LRRC27: variants seen among roughly 807,000 people sequenced by gnomAD.
LRRC27 encodes leucine rich repeat containing 27.
A neutral mutation model predicts 55.0 loss-of-function variants in LRRC27; 57 were observed. That is an observed-to-expected ratio of 1.04 (90% CI 0.84 to 1.29). The LOEUF is 1.29. LRRC27 is among the 50% of genes most tolerant of loss of function. The probability of loss-of-function intolerance (pLI) is 0.00; values close to 1 mark genes in which losing one functional copy is unlikely to be tolerated. For missense variants in LRRC27, 721 were observed against 651.5 expected (o/e 1.11, Z -1.16); for synonymous variants, 278 against 251.9 (o/e 1.10, Z -0.98).
At chr10:132,363,982 T>G (rs1205698662) in intron 9 of LRRC27, among the ~76,000 whole-genome samples, 1 of 152,010 alleles carries the variant, frequency 6.6e-6, no homozygotes, top group Non-Finnish European at 1.5e-5. Flanking sequence ...CTCAAACATT[T>G]GAATGTTCTC....
At chr10:132,358,656 G>A (rs1399353709) in intron 8 of LRRC27, among the ~76,000 whole-genome samples, 3 of 109,912 alleles carry the variant, frequency 2.7e-5, no homozygotes, top group Non-Finnish European at 3.9e-5. Context: ...GCAGTGTGGG[G>A]AGGAGCCGAG....
At chr10:132,355,764 A>G in intron 7 of LRRC27, 26 bp from the exon 8 acceptor site, 2 of 1,509,122 alleles carry the variant, frequency 1.3e-6, no homozygotes. Context: ...CCTGTAACTT[A>G]TGACATTAAC....
At chr10:132,367,761 A>C (rs1267711755) in intron 10 of LRRC27, among the ~76,000 whole-genome samples, 1 of 152,248 alleles carries the variant, frequency 6.6e-6, no homozygotes, top group Non-Finnish European at 1.5e-5. Flanking sequence ...ATTATTCTTA[A>C]TGGCAAGAAA....
chr10:132,353,127 T>C (rs2068144477), intron 7 of LRRC27: 1 of 1,462,914 alleles, frequency 6.8e-7, no homozygotes, highest in South Asian at 1.4e-5. Context: ...GCCCCTCACT[T>C]GGTGGTTGGC....
intron 3 of LRRC27, among the ~76,000 whole-genome samples, chr10:132,341,696 C>T (rs544469441): frequency 5.9e-5 from 9 of 152,124 alleles, no homozygotes; most frequent in Non-Finnish European, 8.8e-5. Flanking sequence ...TTATACTGTG[C>T]GGTGGAAGTC....
rs1200275937 is a variant in LRRC27 at position 132,348,198 on chromosome 10, G to A, written c.768G>A (p.Glu256=). Residue 256 remains glutamate (E), a synonymous_variant, in exon 6 of 11, where the codon GAG becomes GAA. Coordinates refer to ENST00000368614, the MANE Select transcript of LRRC27 (RefSeq NM_030626.3). This position sits in a 1 kb window ranked among gnomAD's most constrained non-coding sequence, Gnocchi z 4.2. ...SADSSENWPS[E]EEIRRFWKLR... ...ACTCCTCAGAGAACTGGCCCAGCGA[G>A]GAGGAGATCAGGCGCTTTTGGAAGC... 3 of 1,613,966 alleles carry A rather than the reference G, an allele frequency of 1.9e-6. No homozygotes were observed. The highest frequency in any genetic ancestry group is 2.5e-6 in the Non-Finnish European group (3 of 1,179,922).
Position 132,380,987 on chromosome 10 carries a change from G to A in LRRC27, c.*5745G>A, listed in dbSNP as rs551491462. On this transcript the variant is annotated 3_prime_UTR_variant, in exon 11 of 11. Coordinates refer to ENST00000368614, the MANE Select transcript of LRRC27 (RefSeq NM_030626.3). Reference sequence around the variant, plus strand: ...CTTTTTATCTTGTATTGGGAATGCAGCTTTTATGTGGGTATAGGATTGCTG... The same window carrying A: ...CTTTTTATCTTGTATTGGGAATGCAACTTTTATGTGGGTATAGGATTGCTG... 6.6e-6 allele frequency among the ~76,000 whole-genome samples: 1 copy of A among 152,350 alleles called. No individual in the cohort carries two copies. Among genetic ancestry groups the A allele is most frequent in the African/African-American group, 2.4e-5 (1 of 41,588 alleles).
chr10:132,364,716 C>T (rs2068939482), intron 9 of LRRC27, among the ~76,000 whole-genome samples: 1 of 3,600 alleles, frequency 2.8e-4, no homozygotes, highest in South Asian at 0.014. Flanking sequence ...CACACTCATG[C>T]AGTCCGCGTC....
upstream of LRRC27, chr10:132,330,428 G>A: frequency 1.4e-6 from 1 of 717,174 alleles, no homozygotes; most frequent in Non-Finnish European, 2.6e-6. Context: ...TCCTTGCTCT[G>A]CCCGGGTGGC....
At chr10:132,361,144 G>T (rs949917047) in intron 8 of LRRC27, among the ~76,000 whole-genome samples, 1 of 152,216 alleles carries the variant, frequency 6.6e-6, no homozygotes, top group African/African-American at 2.4e-5. Flanking sequence ...CAAACCTGGC[G>T]TGGGGGGCAT....
chr10:132,348,196 G>A lies in LRRC27; in HGVS notation c.766G>A (p.Glu256Lys), dbSNP rs542419588. The A allele has an allele frequency of 5.6e-6, 9 of 1,613,960 alleles. No homozygotes were observed. The East Asian group carries it at 6.7e-5, about 12-fold the overall frequency. ...GGACTCCTCAGAGAACTGGCCCAGC[G>A]AGGAGGAGATCAGGCGCTTTTGGAA... ...SADSSENWPS[E>K]EEIRRFWKLR... The change falls in exon 6 of 11, where the codon GAG (glutamate) becomes AAG (lysine). Residue 256 changes from glutamate to lysine, a missense_variant. By Grantham distance (56) the Glu-to-Lys change is moderately conservative. Coordinates refer to ENST00000368614, the MANE Select transcript of LRRC27 (RefSeq NM_030626.3). The surrounding 1 kb of genome is among the most constrained non-coding windows in gnomAD (Gnocchi z 4.2).
chr10:132,351,186 A>G, intron 6 of LRRC27: 1 of 172,348 alleles, frequency 5.8e-6, no homozygotes, highest in Non-Finnish European at 1.2e-5. Context: ...ATGCACCTGA[A>G]CTCCAGGCAC....
In LRRC27 at chr10:132,380,376, A is replaced by G. The variant is rs2069395739; in HGVS notation, c.*5134A>G. On this transcript the variant is annotated 3_prime_UTR_variant, in exon 11 of 11. Transcript: ENST00000368614. Reference sequence around the variant, plus strand: ...ACAGTGTGCTGCTGGAATAATTACAAAGCCACCTCCTGTTGCTATTGCAGT... The same window carrying G: ...ACAGTGTGCTGCTGGAATAATTACAGAGCCACCTCCTGTTGCTATTGCAGT... Among the ~76,000 whole-genome samples the G allele has an allele frequency of 6.6e-6, 1 of 152,230 alleles. No individual in the cohort carries two copies. The highest frequency in any genetic ancestry group is 1.5e-5 in the Non-Finnish European group (1 of 68,038).
chr10:132,333,187 C>T lies in LRRC27; in HGVS notation c.-48-290C>T, dbSNP rs142957897. ...GTTGATTTACAGGCTTTGAAATGTT[C>T]CGATCTGTTTACATCCCTAAAATGA... On this transcript the variant is annotated intron_variant, in intron 1 of 10. Coordinates refer to ENST00000368614, the MANE Select transcript of LRRC27 (RefSeq NM_030626.3). Among the ~76,000 whole-genome samples, 89 of 152,294 alleles carry T rather than the reference C, an allele frequency of 5.8e-4. 1 individual carries two copies. In the East Asian group the frequency reaches 0.016, roughly 27 times the overall value.
intron 10 of LRRC27, chr10:132,366,877 C>G (rs1482519535): frequency 7.8e-7 from 1 of 1,286,336 alleles, no homozygotes. Flanking sequence ...GGCATGAGGG[C>G]AGGATGTGGA....
chr10:132,365,530 G>C lies in LRRC27; in HGVS notation c.1396G>C (p.Ala466Pro). ...GQAPLEEMRK[A>P]AEDLEIATEL... ...GGCCCCACTGGAGGAGATGAGGAAG[G>C]CTGCCGAGGATCTGGAAATTGTAAG... Residue 466 changes from alanine (A) to proline (P), a missense_variant, in exon 10 of 11, where the codon GCT (alanine) becomes CCT (proline). Transcript: ENST00000368614. 1 of 1,613,556 alleles carries C rather than the reference G, an allele frequency of 6.2e-7. No homozygotes were observed. The highest frequency in any genetic ancestry group is 8.5e-7 in the Non-Finnish European group (1 of 1,179,972).
chr10:132,347,917 CT>C, intron 5 of LRRC27, 66 bp from the exon 6 acceptor site: 1 of 1,515,330 alleles, frequency 6.6e-7, no homozygotes, highest in Admixed American at 2.2e-5. Context: ...CCGTCACTGG[CT>C]TTTTGAATAA....
Position 132,377,481 on chromosome 10 carries a change from C to G in LRRC27, c.*2239C>G, listed in dbSNP as rs1165496767. 1.3e-5 allele frequency: 2 copies of G among 152,162 alleles called. No individual in the cohort carries two copies. Among genetic ancestry groups the G allele is most frequent in the Non-Finnish European group, 2.9e-5 (2 of 68,056 alleles). 9.4% of individuals were successfully genotyped at this position (152,162 alleles called of 1,614,324 possible). A position where few individuals can be genotyped will look rare whatever the true frequency, so the allele number is the denominator to read the frequency against. On this transcript the variant is annotated 3_prime_UTR_variant, in exon 11 of 11. Coordinates refer to ENST00000368614, the MANE Select transcript of LRRC27 (RefSeq NM_030626.3). ...GCCAATGACCCTGAGAAGGTCCCTC[C>G]CATCTGCCAGTTCCCTGCCATTGAT...
rs1308007580 is a variant in LRRC27, at chr10:132,336,637, C to T, written c.211-928C>T. 13 of 645,304 alleles carry T rather than the reference C, an allele frequency of 2.0e-5. No individual in the cohort carries two copies. The South Asian group carries it at 2.3e-4, about 12-fold the overall frequency. 40.0% of individuals were successfully genotyped at this position (645,304 alleles called of 1,614,324 possible). A position where few individuals can be genotyped will look rare whatever the true frequency, so the allele number is the denominator to read the frequency against. ...CCACGCACTGTTCTTTAGTGCTTGC[C>T]CACATTGCCCCGTCTCACAGATGAG... On this transcript the variant is annotated intron_variant, in intron 2 of 10. Coordinates refer to ENST00000368614, the MANE Select transcript of LRRC27 (RefSeq NM_030626.3).
Sources: allele counts gnomAD v4.1 joint callset (sites outside exome capture counted in the v4.1 genomes callset), GRCh38; gene constraint gnomAD v4.1.1; non-coding constraint Gnocchi (gnomAD v3.1); transcripts MANE v1.5; gene names NCBI Gene and HGNC (gene_info 2026-07-23, HGNC 2026-07-21).